Variants in GMDS observed in about 807,000 individuals in gnomAD.
The protein encoded by GMDS is GDP-mannose 4,6-dehydratase.
GMDS carries 20 observed loss-of-function variants against 49.9 expected under a neutral mutation model. The observed-to-expected ratio is 0.40, with a 90% CI of 0.28 to 0.58. The LOEUF (loss-of-function observed/expected upper bound fraction) is 0.58, where lower values mean the gene tolerates loss of function less well. GMDS is among the 20% of genes least tolerant of loss of function. The pLI is 0.42. For synonymous variants in GMDS, 177 were observed against 178.6 expected (o/e 0.99, Z 0.07); for missense variants, 362 against 481.4 (o/e 0.75, Z 2.32).
At chr6:1,983,885 AAT>A (rs1383038211) in intron 4 of GMDS, among the ~76,000 whole-genome samples, 1 of 152,242 alleles carries the variant, frequency 6.6e-6, no homozygotes, top group African/African-American at 2.4e-5. Context: ...CATTCAAAAG[AAT>A]ATAAATCATT....
chr6:2,232,887 C>T (rs73420777), intron 1 of GMDS, among the ~76,000 whole-genome samples: 2,403 of 152,172 alleles, frequency 0.016, 52 homozygotes, highest in African/African-American at 0.053. Flanking sequence ...CCTGACTGCA[C>T]AGAAGCCCAT....
chr6:1,685,055 T>C (rs529687878), intron 9 of GMDS, among the ~76,000 whole-genome samples: 1 of 149,480 alleles, frequency 6.7e-6, no homozygotes, highest in Non-Finnish European at 1.5e-5. Context: ...AAAAAAAAGG[T>C]AGACTTAATT....
intron 9 of GMDS, among the ~76,000 whole-genome samples, chr6:1,643,022 G>A (rs1018746989): frequency 6.6e-6 from 1 of 152,172 alleles, no homozygotes; most frequent in Non-Finnish European, 1.5e-5. Flanking sequence ...ATCTGCTGAC[G>A]AGGGGGGCAT....
rs184588429 is a variant in GMDS, at chr6:1,707,198, C to T, written c.987+19218G>A. 2.6e-3 allele frequency among the ~76,000 whole-genome samples: 402 copies of T among 152,284 alleles called. 3 individuals carry two copies. The highest frequency in any genetic ancestry group is 9.2e-3 in the African/African-American group (383 of 41,558). On this transcript the variant is annotated intron_variant, in intron 9 of 10. Coordinates refer to ENST00000380815, the MANE Select transcript of GMDS (RefSeq NM_001500.4). ...TGAATAGAAGGAATTAAAATTACAT[C>T]TCCATTGTGCTCACCAGAACCACGT...
At chr6:2,192,266 C>T (rs1779059527) in intron 1 of GMDS, among the ~76,000 whole-genome samples, 1 of 152,146 alleles carries the variant, frequency 6.6e-6, no homozygotes, top group African/African-American at 2.4e-5. Flanking sequence ...CTCATCGGGA[C>T]ACCCTGGCTA....
At chr6:2,143,483 C>T (rs780211087) in intron 1 of GMDS, among the ~76,000 whole-genome samples, 49 of 152,370 alleles carry the variant, frequency 3.2e-4, no homozygotes, top group Admixed American at 6.5e-4. Flanking sequence ...GATAAACTGA[C>T]TGTGCTACTC....
intron 4 of GMDS, among the ~76,000 whole-genome samples, chr6:2,104,993 T>C (rs566090297): frequency 1.3e-4 from 20 of 151,868 alleles, no homozygotes; most frequent in Admixed American, 5.9e-4. Context: ...CCATCCTGGC[T>C]AACATGGTGA....
intron 4 of GMDS, among the ~76,000 whole-genome samples, chr6:2,096,061 G>A (rs2127481025): frequency 6.6e-6 from 1 of 152,062 alleles, no homozygotes; most frequent in East Asian, 1.9e-4. Context: ...AAAACTGAAT[G>A]GACAAAGGAT....
intron 8 of GMDS, among the ~76,000 whole-genome samples, chr6:1,731,548 C>A (rs1408495026): frequency 6.6e-6 from 1 of 152,200 alleles, no homozygotes; most frequent in Non-Finnish European, 1.5e-5. Flanking sequence ...AATGGAGTAA[C>A]ACCTTCAAAG....
chr6:1,939,952 G>C (rs1475968507), intron 6 of GMDS, among the ~76,000 whole-genome samples: 1 of 151,988 alleles, frequency 6.6e-6, no homozygotes, highest in East Asian at 1.9e-4. Context: ...AGTCCTACTA[G>C]GGACAGTTCT....
At chr6:2,076,788 G>C (rs963511861) in intron 4 of GMDS, among the ~76,000 whole-genome samples, 1 of 152,092 alleles carries the variant, frequency 6.6e-6, no homozygotes, top group African/African-American at 2.4e-5. Flanking sequence ...TTAAATGTTA[G>C]ACCTAAAGCC....
intron 1 of GMDS, among the ~76,000 whole-genome samples, chr6:2,200,924 AG>A (rs1383549021): frequency 6.9e-6 from 1 of 144,800 alleles, no homozygotes; most frequent in African/African-American, 2.6e-5. Context: ...CTAGGCAGTG[AG>A]GGCAGCATGT....
intron 4 of GMDS, among the ~76,000 whole-genome samples, chr6:2,111,407 G>A (rs1774537428): frequency 6.6e-6 from 1 of 152,130 alleles, no homozygotes; most frequent in Non-Finnish European, 1.5e-5. Context: ...CCTACTTCAT[G>A]AGTCATAATT....
At chr6:1,939,260 A>C (rs112285311) in intron 6 of GMDS, among the ~76,000 whole-genome samples, 18 of 151,876 alleles carry the variant, frequency 1.2e-4, no homozygotes, top group African/African-American at 4.1e-4. Flanking sequence ...TTGTGCATTT[A>C]GTGAGAGTTC....
chr6:2,023,101 T>C (rs1457352064), intron 4 of GMDS, among the ~76,000 whole-genome samples: 5 of 152,202 alleles, frequency 3.3e-5, no homozygotes, highest in African/African-American at 1.2e-4. Context: ...TCTCCAGAGA[T>C]GTTCTGGGCA....
intron 7 of GMDS, among the ~76,000 whole-genome samples, chr6:1,800,594 G>A (rs1163485414): frequency 6.7e-6 from 1 of 148,178 alleles, no homozygotes; most frequent in Non-Finnish European, 1.5e-5. Context: ...GAGCCACCAT[G>A]CCCAATTAAT....
At chr6:1,659,354 A>G (rs901648514) in intron 9 of GMDS, among the ~76,000 whole-genome samples, 1 of 151,762 alleles carries the variant, frequency 6.6e-6, no homozygotes, top group Non-Finnish European at 1.5e-5. Flanking sequence ...CTTTCATCCC[A>G]ATGAGGTCCC....
chr6:1,887,129 G>T (rs548645139), intron 7 of GMDS, among the ~76,000 whole-genome samples: 134 of 152,228 alleles, frequency 8.8e-4, no homozygotes, highest in African/African-American at 3.2e-3. Context: ...GTAGGGCCCT[G>T]TTCTTTACCA....
At chr6:1,851,600 A>G (rs1757675618) in intron 7 of GMDS, among the ~76,000 whole-genome samples, 1 of 152,118 alleles carries the variant, frequency 6.6e-6, no homozygotes, top group South Asian at 2.1e-4. Context: ...TAATAAGGGG[A>G]CTGTGTTTGC....
Sources: allele counts gnomAD v4.1 joint callset (sites outside exome capture counted in the v4.1 genomes callset), GRCh38; gene constraint gnomAD v4.1.1; transcripts MANE v1.5; gene names NCBI Gene and HGNC (gene_info 2026-07-23, HGNC 2026-07-21).